Variants in RAD54B observed in about 807,000 individuals in gnomAD.
The protein encoded by RAD54B is RAD54 homolog B.
In RAD54B, 78 loss-of-function variants were observed where a neutral mutation model predicts 95.8. The observed-to-expected ratio is 0.81, with a 90% CI of 0.68 to 0.98. The LOEUF (loss-of-function observed/expected upper bound fraction) is 0.98, where lower values mean the gene tolerates loss of function less well. RAD54B is among the 50% of genes least tolerant of loss of function. RAD54B has a pLI of 0.00. For missense variants in RAD54B, 957 were observed against 1,056.6 expected, an observed-to-expected ratio of 0.91 and a Z score of 1.31; for synonymous variants, 328 against 354.9, an observed-to-expected ratio of 0.92 and a Z score of 0.85.
At chr8:94,422,459 C>T (rs1202610500) in intron 3 of RAD54B, among the ~76,000 whole-genome samples, 3 of 150,076 alleles carry the variant, frequency 2.0e-5, no homozygotes, top group Non-Finnish European at 3.0e-5. Flanking sequence ...TGGTAGTACA[C>T]GCCTGTAGTG....
chr8:94,372,045 C>CA lies in RAD54B; in HGVS notation c.*124dup. On this transcript the variant is annotated 3_prime_UTR_variant, in exon 15 of 15. Coordinates refer to ENST00000336148, the MANE Select transcript of RAD54B (RefSeq NM_012415.3). ...AACCACTCAATTTTGACTATTGTAT[C>CA]AAAAGTGATATATTTTGCAACATAT... is the stretch of plus-strand genomic sequence containing the variant. The CA allele has an allele frequency of 1.4e-6, 2 of 1,408,098 alleles. No individual in the cohort carries two copies. Among genetic ancestry groups the CA allele is most frequent in the Non-Finnish European group, 1.9e-6 (2 of 1,079,490 alleles). 87.2% of individuals were successfully genotyped at this position (1,408,098 alleles called of 1,614,324 possible). A position where few individuals can be genotyped will look rare whatever the true frequency, so the allele number is the denominator to read the frequency against.
At chr8:94,423,964 C>A (rs924509963) in intron 3 of RAD54B, among the ~76,000 whole-genome samples, 2 of 152,084 alleles carry the variant, frequency 1.3e-5, no homozygotes, top group Non-Finnish European at 2.9e-5. Context: ...AAAAGAATGT[C>A]TTCATCAAAA....
intron 3 of RAD54B, among the ~76,000 whole-genome samples, chr8:94,424,916 GC>G (rs1811904713): frequency 6.6e-6 from 1 of 151,884 alleles, no homozygotes; most frequent in African/African-American, 2.4e-5. Flanking sequence ...ACAAATATTA[GC>G]TGGGCATGGT....
At chr8:94,461,923 G>C (rs536959769) in intron 2 of RAD54B, among the ~76,000 whole-genome samples, 1 of 152,020 alleles carries the variant, frequency 6.6e-6, no homozygotes. Flanking sequence ...GTCACTTATC[G>C]CAATAACGTC....
intron 5 of RAD54B, 34 bp from the exon 6 acceptor site, chr8:94,404,273 T>A (rs1387914347): frequency 6.7e-7 from 1 of 1,502,328 alleles, no homozygotes; most frequent in Admixed American, 2.1e-5. Flanking sequence ...GTATTGTAAT[T>A]TCACTTTTTC....
intron 3 of RAD54B, among the ~76,000 whole-genome samples, chr8:94,419,768 A>G (rs1244871779): frequency 7.7e-6 from 1 of 129,218 alleles, no homozygotes; most frequent in Admixed American, 7.9e-5. Context: ...AAAAAAAAAA[A>G]GCAACATGAA....
At chr8:94,395,166 T>C (rs774588866) in intron 8 of RAD54B, among the ~76,000 whole-genome samples, 4 of 152,186 alleles carry the variant, frequency 2.6e-5, no homozygotes, top group Non-Finnish European at 4.4e-5. Context: ...ATCATGGTAA[T>C]TCTGTCCCCT....
At chr8:94,452,560 G>A (rs942494288) in intron 3 of RAD54B, among the ~76,000 whole-genome samples, 2 of 151,964 alleles carry the variant, frequency 1.3e-5, no homozygotes, top group Non-Finnish European at 2.9e-5. Context: ...GTGCAATGGT[G>A]CTATCTCAGC....
chr8:94,432,263 A>T, intron 3 of RAD54B: 2 of 1,550,326 alleles, frequency 1.3e-6, no homozygotes, highest in African/African-American at 1.4e-5. Flanking sequence ...TCTCCTGAAC[A>T]TACAATCCAA....
At chr8:94,408,294 A>G (rs1309013510) in intron 4 of RAD54B, among the ~76,000 whole-genome samples, 1 of 152,158 alleles carries the variant, frequency 6.6e-6, no homozygotes, top group Non-Finnish European at 1.5e-5. Flanking sequence ...TTTGATGAAC[A>G]TTTATTAAGT....
intron 10 of RAD54B, among the ~76,000 whole-genome samples, chr8:94,389,461 A>C (rs1810965620): frequency 6.6e-6 from 1 of 152,198 alleles, no homozygotes; most frequent in Admixed American, 6.5e-5. Flanking sequence ...TGACCAATAG[A>C]TAATATCTTT....
chr8:94,426,578 T>C (rs369289607), intron 3 of RAD54B, among the ~76,000 whole-genome samples: 7 of 152,178 alleles, frequency 4.6e-5, no homozygotes, highest in East Asian at 3.9e-4. Flanking sequence ...TTAAAAACAC[T>C]AAGGTGAAAA....
chr8:94,404,740 A>T (rs1195224285), intron 5 of RAD54B, among the ~76,000 whole-genome samples: 2 of 152,194 alleles, frequency 1.3e-5, no homozygotes, highest in African/African-American at 4.8e-5. Flanking sequence ...CTGAGAAAAA[A>T]TGATAAATTC....
At chr8:94,392,292 T>C (rs899393875) in intron 9 of RAD54B, among the ~76,000 whole-genome samples, 3 of 152,192 alleles carry the variant, frequency 2.0e-5, no homozygotes, top group African/African-American at 7.2e-5. Context: ...GACAGAGTCC[T>C]GCTCTATCAC....
chr8:94,415,203 A>C (rs1811631665), intron 3 of RAD54B, among the ~76,000 whole-genome samples: 1 of 151,776 alleles, frequency 6.6e-6, no homozygotes, highest in South Asian at 2.1e-4. Flanking sequence ...AGCCCTCAGA[A>C]ATAACACCGC....
rs746144487 is a variant in RAD54B, at chr8:94,411,079, A to C, written c.499+42T>G. The C allele has an allele frequency of 3.4e-6, 5 of 1,458,056 alleles. No individual in the cohort carries two copies. In the South Asian group the frequency reaches 3.7e-5, roughly 11 times the overall value. The allele number at this position is 1,458,056 out of a possible 1,614,324, so 90.3% of individuals were successfully genotyped here. The stretch of plus-strand genomic sequence containing the variant: ...AATTATGTAACCGGAGATACATACT[A>C]ATTTCAGGCCAAACTGTAAACATTA... On this transcript the variant is annotated intron_variant, in intron 4 of 14. Coordinates refer to ENST00000336148, the MANE Select transcript of RAD54B (RefSeq NM_012415.3).
chr8:94,427,943 T>G, intron 3 of RAD54B: 1 of 871,088 alleles, frequency 1.1e-6, no homozygotes, highest in South Asian at 5.3e-5. Flanking sequence ...AAAAAAAAAA[T>G]GAAATAACAC....
At chr8:94,419,747 CAAA>C (rs36042247) in intron 3 of RAD54B, among the ~76,000 whole-genome samples, 53 of 70,318 alleles carry the variant, frequency 7.5e-4, no homozygotes, top group African/African-American at 2.5e-3. Context: ...TGGCCCCCAC[CAAA>C]AAAAAAAAAA....
At chr8:94,433,273 T>G (rs181374885) in intron 3 of RAD54B, among the ~76,000 whole-genome samples, 63 of 152,232 alleles carry the variant, frequency 4.1e-4, no homozygotes, top group African/African-American at 1.4e-3. Context: ...TAGGAAAAAC[T>G]TCCGTTTTAC....
Sources: allele counts gnomAD v4.1 joint callset (sites outside exome capture counted in the v4.1 genomes callset), GRCh38; gene constraint gnomAD v4.1.1; transcripts MANE v1.5; gene names NCBI Gene and HGNC (gene_info 2026-07-23, HGNC 2026-07-21).